Variants in ABCA9 observed in about 807,000 individuals in gnomAD.
ABCA9 encodes the protein ATP-binding cassette sub-family A member 9.
In ABCA9, 183 loss-of-function variants were observed where a neutral mutation model predicts 205.3. That is an observed-to-expected ratio of 0.89 (90% CI 0.79 to 1.01). The LOEUF is 1.01. ABCA9 is among the 50% of genes least tolerant of loss of function. The probability of loss-of-function intolerance (pLI) is 0.00; values close to 1 mark genes in which losing one functional copy is unlikely to be tolerated. For missense variants in ABCA9, 1,805 were observed against 1,912.4 expected (o/e 0.94, Z 1.05); for synonymous variants, 651 against 683.3 (o/e 0.95, Z 0.74).
At chr17:68,977,633 T>A (rs1293840183) in intron 37 of ABCA9, among the ~76,000 whole-genome samples, 1 of 152,086 alleles carries the variant, frequency 6.6e-6, no homozygotes, top group African/African-American at 2.4e-5. Context: ...AGATTGGTGG[T>A]AGGAAAGAAT....
intron 26 of ABCA9, 49 bp downstream of exon 26, chr17:68,995,846 C>A: frequency 6.2e-7 from 1 of 1,605,426 alleles, no homozygotes; most frequent in Non-Finnish European, 8.5e-7. Flanking sequence ...ATGGCTTTCT[C>A]AAATGACCAC....
intron 9 of ABCA9, 44 bp downstream of exon 9, chr17:69,033,682 C>T: frequency 6.6e-7 from 1 of 1,517,770 alleles, no homozygotes; most frequent in Non-Finnish European, 9.0e-7. Flanking sequence ...TAAAGACATG[C>T]AATTATTGAA....
the ABCA9 span, among the ~76,000 whole-genome samples, chr17:69,074,324 T>G: frequency 6.6e-6 from 1 of 152,232 alleles, no homozygotes. Flanking sequence ...TATTGCATGA[T>G]GCTGTGTTTG....
At chr17:69,011,521 A>G (rs1290709556) in intron 23 of ABCA9, among the ~76,000 whole-genome samples, 6 of 152,194 alleles carry the variant, frequency 3.9e-5, no homozygotes, top group African/African-American at 1.4e-4. Context: ...ACTCTGTTAC[A>G]GGCTCCTCGA....
intron 4 of ABCA9, among the ~76,000 whole-genome samples, chr17:69,044,874 A>G (rs926823647): frequency 6.6e-6 from 1 of 152,210 alleles, no homozygotes; most frequent in Non-Finnish European, 1.5e-5. Flanking sequence ...TCTGTTGCTT[A>G]CGTCAAGAAA....
chr17:69,019,762 G>A (rs938782603), intron 19 of ABCA9: 6 of 152,220 alleles, frequency 3.9e-5, no homozygotes, highest in African/African-American at 1.4e-4. Flanking sequence ...GAACCTTATA[G>A]TGGGTTCCAG....
chr17:69,078,890 T>C, the ABCA9 span: 12 of 745,348 alleles, frequency 1.6e-5, no homozygotes, highest in Non-Finnish European at 2.4e-5. Flanking sequence ...TTTTAAATGA[T>C]CTTTAAAATT....
At chr17:69,009,294 G>A (rs1027472930) in intron 23 of ABCA9, among the ~76,000 whole-genome samples, 7 of 152,188 alleles carry the variant, frequency 4.6e-5, no homozygotes, top group Non-Finnish European at 7.3e-5. Flanking sequence ...TCAGGTCAGA[G>A]AAGGTTCCCT....
chr17:69,064,392 A>G (rs1001398814), upstream of ABCA9, among the ~76,000 whole-genome samples: 1 of 152,202 alleles, frequency 6.6e-6, no homozygotes, highest in Non-Finnish European at 1.5e-5. Flanking sequence ...CTATGTCTCT[A>G]TACATCTTTC....
chr17:69,043,748 C>G (rs1456404889), intron 5 of ABCA9, 33 bp from the exon 6 acceptor site: 1 of 1,512,944 alleles, frequency 6.6e-7, no homozygotes, highest in South Asian at 1.3e-5. Context: ...AAATTGTTAT[C>G]ATCAATCTAA....
intron 37 of ABCA9, among the ~76,000 whole-genome samples, chr17:68,977,255 C>G (rs766961346): frequency 1.3e-5 from 2 of 152,056 alleles, no homozygotes; most frequent in Admixed American, 6.5e-5. Context: ...ATCACCCACC[C>G]CGGGGAGCTG....
chr17:69,018,719 C>T, intron 19 of ABCA9, 140 bp from the exon 20 acceptor site: 2 of 652,466 alleles, frequency 3.1e-6, no homozygotes, highest in East Asian at 3.3e-5. Context: ...TGCCCCACTT[C>T]CTTGTTTCTA....
chr17:68,997,413 A>G (rs1385274805), intron 25 of ABCA9, among the ~76,000 whole-genome samples: 1 of 152,082 alleles, frequency 6.6e-6, no homozygotes, highest in Non-Finnish European at 1.5e-5. Context: ...TTAAATATTT[A>G]AGTATTCTAT....
At position 68,990,840 on chromosome 17, in the gene ABCA9, A is replaced by G; in HGVS notation, c.3834T>C (p.Asp1278=). 1 of 1,611,752 alleles carries G rather than the reference A, an allele frequency of 6.2e-7. No homozygotes were observed. Among genetic ancestry groups the G allele is most frequent in the South Asian group, 1.1e-5 (1 of 90,454 alleles). The stretch of plus-strand genomic sequence containing the variant: ...GAAGAACATTTCTGAGTTCTACCTC[A>G]TCAAAGTCTCGCACAGCCATAGCAT... ...TVNAMAVRDF[D]ETPVIIASCL... Residue 1278 remains aspartate, a synonymous_variant, in exon 29 of 39, where the codon GAT becomes GAC. Transcript: ENST00000340001.
chr17:69,059,472 A>C (rs2072165272), intron 1 of ABCA9, among the ~76,000 whole-genome samples: 1 of 152,000 alleles, frequency 6.6e-6, no homozygotes, highest in South Asian at 2.1e-4. Context: ...GAGGAGGAAG[A>C]CCATGAACCA....
At position 68,986,214 on chromosome 17, in the gene ABCA9, G is replaced by C. The variant is rs150905357; in HGVS notation, c.4158C>G (p.Tyr1386Ter). 1.1e-4 allele frequency: 176 copies of C among 1,613,368 alleles called. No homozygotes were observed. The highest frequency in any genetic ancestry group is 1.4e-4 in the Non-Finnish European group (166 of 1,179,716). ...NLTVRQHLEV[Y>*]AAVKGLRKGD... ...CTTTCCTGAGACCTTTCACGGCAGC[G>C]TACACCTCCAGGTGCTGCCTCACTG... Residue 1386 changes from tyrosine to a stop codon, truncating the protein, a stop_gained, in exon 32 of 39, where the codon TAC becomes TAG. Transcript: ENST00000340001. LOFTEE classifies it high-confidence loss of function.
Position 69,058,836 on chromosome 17 carries a change from C to CAA in ABCA9, c.-14+2028_-14+2029dup, listed in dbSNP as rs34009101. 2.9e-3 allele frequency among the ~76,000 whole-genome samples: 371 copies of CAA among 127,334 alleles called. 6 individuals are homozygous for CAA. The South Asian group carries it at 0.044, about 15-fold the overall frequency. 83.5% of individuals were successfully genotyped at this position (127,334 alleles called of 152,430 possible). On this transcript the variant is annotated intron_variant, in intron 1 of 38. Coordinates refer to ENST00000340001, the MANE Select transcript of ABCA9 (RefSeq NM_080283.4). Reference sequence around the variant, plus strand: ...CCTAGGTGACAGTGTGAGACTGTCTCAAAAAAAAAAAAAAGACATACCTGA... The same window carrying CAA: ...CCTAGGTGACAGTGTGAGACTGTCTCAAAAAAAAAAAAAAAAGACATACCTGA...
At chr17:69,019,100 C>T (rs968421822) in intron 19 of ABCA9, among the ~76,000 whole-genome samples, 5 of 152,052 alleles carry the variant, frequency 3.3e-5, no homozygotes, top group African/African-American at 1.2e-4. Flanking sequence ...ATCTTTATTG[C>T]TTGCCTCCAA....
chr17:69,048,058 G>A (rs2071778157), intron 3 of ABCA9, among the ~76,000 whole-genome samples: 1 of 152,124 alleles, frequency 6.6e-6, no homozygotes, highest in African/African-American at 2.4e-5. Flanking sequence ...AGGAAGCAAA[G>A]GGGGGAAAAC....
Sources: allele counts gnomAD v4.1 joint callset (sites outside exome capture counted in the v4.1 genomes callset), GRCh38; gene constraint gnomAD v4.1.1; transcripts MANE v1.5; gene names NCBI Gene and HGNC (gene_info 2026-07-23, HGNC 2026-07-21).